The following CEP128 variants were observed in gnomAD, a reference collection of about 807,000 sequenced individuals.
CEP128 encodes the protein centrosomal protein 128, also known as centrosomal protein 128kDa.
CEP128 carries 132 observed loss-of-function variants against 156.7 expected under a neutral mutation model. That is an observed-to-expected ratio of 0.84 (90% CI 0.73 to 0.97). CEP128 has a LOEUF of 0.97. CEP128 is among the 50% of genes least tolerant of loss of function. CEP128 has a pLI of 0.00. For missense variants in CEP128, 1,252 were observed against 1,281.9 expected, an observed-to-expected ratio of 0.98 and a Z score of 0.36; for synonymous variants, 469 against 448.9, an observed-to-expected ratio of 1.04 and a Z score of -0.57.
rs546831905 is a variant in CEP128 at position 80,601,815 on chromosome 14, C to T, written c.2807-21392G>A. Reference sequence around the variant, plus strand: ...TAGAAATTTTTCAACTCTGTTATTACCTTATGGGAACACTGTCATATATGC... The same window carrying T: ...TAGAAATTTTTCAACTCTGTTATTATCTTATGGGAACACTGTCATATATGC... On this transcript the variant is annotated intron_variant, in intron 19 of 24. Coordinates refer to ENST00000555265, the MANE Select transcript of CEP128 (RefSeq NM_152446.5). Among the ~76,000 whole-genome samples the T allele has an allele frequency of 1.1e-4, 17 of 152,194 alleles. No individual in the cohort carries two copies. In the South Asian group the frequency reaches 3.3e-3, roughly 30 times the overall value.
chr14:80,638,793 G>C (rs531880879), intron 19 of CEP128, among the ~76,000 whole-genome samples: 2 of 152,052 alleles, frequency 1.3e-5, no homozygotes, highest in Non-Finnish European at 2.9e-5. Context: ...TCTGAACACA[G>C]GTCATTAAAA....
At chr14:80,618,067 T>A (rs1893303721) in intron 19 of CEP128, among the ~76,000 whole-genome samples, 1 of 152,230 alleles carries the variant, frequency 6.6e-6, no homozygotes, top group Non-Finnish European at 1.5e-5. Context: ...TGGTAAGCAT[T>A]CTTGAGGAGA....
At chr14:80,863,554 T>C (rs1358931817) in intron 8 of CEP128, among the ~76,000 whole-genome samples, 1 of 152,200 alleles carries the variant, frequency 6.6e-6, no homozygotes, top group Non-Finnish European at 1.5e-5. Context: ...AAAAGTTGCA[T>C]AAATTCAAAC....
chr14:80,884,812 T>C (rs1322183662), intron 8 of CEP128, among the ~76,000 whole-genome samples: 3 of 152,046 alleles, frequency 2.0e-5, no homozygotes, highest in African/African-American at 7.2e-5. Context: ...GAGACAGAAC[T>C]GTTCACTCCC....
At chr14:80,636,839 C>A (rs1236775074) in intron 19 of CEP128, among the ~76,000 whole-genome samples, 1 of 152,106 alleles carries the variant, frequency 6.6e-6, no homozygotes, top group Non-Finnish European at 1.5e-5. Flanking sequence ...GTAATCCCAG[C>A]ACTTTGGGAG....
chr14:80,787,275 T>C (rs541154904), intron 14 of CEP128, among the ~76,000 whole-genome samples: 1 of 152,288 alleles, frequency 6.6e-6, no homozygotes, highest in Admixed American at 6.5e-5. Context: ...TACAACTTGT[T>C]TCCATACAGT....
At chr14:80,773,102 G>C (rs1900602949) in intron 16 of CEP128, among the ~76,000 whole-genome samples, 2 of 152,156 alleles carry the variant, frequency 1.3e-5, no homozygotes. Flanking sequence ...TGGGTACCTA[G>C]TAACAAGAAA....
intron 9 of CEP128, among the ~76,000 whole-genome samples, chr14:80,861,814 A>T (rs1204654032): frequency 6.6e-6 from 1 of 152,236 alleles, no homozygotes; most frequent in Non-Finnish European, 1.5e-5. Flanking sequence ...TACTGTAACT[A>T]TAAAAGAAAA....
At chr14:80,947,947 C>T (rs1036364047) in intron 2 of CEP128, among the ~76,000 whole-genome samples, 17 of 152,196 alleles carry the variant, frequency 1.1e-4, no homozygotes, top group Non-Finnish European at 1.5e-5. Context: ...CAAGTGATGA[C>T]CACCTACATC....
At chr14:80,568,291 C>T (rs749018734) in intron 20 of CEP128, among the ~76,000 whole-genome samples, 5 of 152,292 alleles carry the variant, frequency 3.3e-5, no homozygotes, top group Middle Eastern at 3.4e-3. Context: ...GCCGTGTTCT[C>T]CTGAGTCTTT....
intron 2 of CEP128, among the ~76,000 whole-genome samples, chr14:80,924,889 T>C (rs1162702610): frequency 1.3e-5 from 2 of 151,904 alleles, no homozygotes; most frequent in Non-Finnish European, 2.9e-5. Flanking sequence ...TTGCAATCAT[T>C]AGGTAATGAA....
intron 19 of CEP128, among the ~76,000 whole-genome samples, chr14:80,653,110 T>C (rs951953541): frequency 7.9e-5 from 12 of 152,150 alleles, no homozygotes; most frequent in African/African-American, 2.7e-4. Flanking sequence ...ACATCACATG[T>C]TCTCACTCAT....
intron 19 of CEP128, among the ~76,000 whole-genome samples, chr14:80,684,211 G>C (rs191543251): frequency 6.6e-6 from 1 of 151,842 alleles, no homozygotes; most frequent in Non-Finnish European, 1.5e-5. Context: ...ATTAACAAAG[G>C]GGAAAAAAAT....
In CEP128 at chr14:80,914,315, T is replaced by G; in HGVS notation, c.234+7A>C. On this transcript the variant is annotated splice_region_variant and intron_variant, in intron 4 of 24. Transcript: ENST00000555265. The stretch of plus-strand genomic sequence containing the variant: ...AGGAGAAAATGCAAACAAATGTAGT[T>G]TCTCACATGTTCTATCGCACCCGCC... 1 of 1,606,878 alleles carries G rather than the reference T, an allele frequency of 6.2e-7. No individual in the cohort carries two copies. Among genetic ancestry groups the G allele is most frequent in the Middle Eastern group, 1.7e-4 (1 of 6,046 alleles).
At chr14:80,860,981 T>C (rs1887485716) in intron 9 of CEP128, among the ~76,000 whole-genome samples, 1 of 152,024 alleles carries the variant, frequency 6.6e-6, no homozygotes, top group South Asian at 2.1e-4. Context: ...ACTTTTTATA[T>C]TTTATGTATA....
intron 21 of CEP128, among the ~76,000 whole-genome samples, chr14:80,552,863 T>C (rs1427833448): frequency 6.6e-6 from 1 of 152,186 alleles, no homozygotes; most frequent in Admixed American, 6.5e-5. Flanking sequence ...TCACTCTTTT[T>C]ATGTTGTATT....
intron 2 of CEP128, among the ~76,000 whole-genome samples, chr14:80,927,854 A>C (rs1365200311): frequency 1.3e-5 from 2 of 152,132 alleles, no homozygotes; most frequent in East Asian, 3.8e-4. Flanking sequence ...AGGAAAATAA[A>C]ATTTTAAGTG....
intron 19 of CEP128, among the ~76,000 whole-genome samples, chr14:80,711,212 T>C (rs1897389637): frequency 6.6e-6 from 1 of 152,048 alleles, no homozygotes; most frequent in Admixed American, 6.6e-5. Context: ...AATAATCCTG[T>C]ATTACTTGCC....
At chr14:80,773,408 C>T (rs1401700972) in intron 16 of CEP128, among the ~76,000 whole-genome samples, 1 of 151,866 alleles carries the variant, frequency 6.6e-6, no homozygotes, top group Non-Finnish European at 1.5e-5. Context: ...ATGAAGAAAA[C>T]ATATGCAGTA....
Sources: allele counts gnomAD v4.1 joint callset (sites outside exome capture counted in the v4.1 genomes callset), GRCh38; gene constraint gnomAD v4.1.1; transcripts MANE v1.5; gene names NCBI Gene and HGNC (gene_info 2026-07-23, HGNC 2026-07-21).